Variants in CRADD observed in about 807,000 individuals in gnomAD.
CRADD encodes death domain-containing protein CRADD.
A neutral mutation model predicts 15.5 loss-of-function variants in CRADD; 9 were observed. The ratio of observed to expected loss-of-function variants is 0.58; its 90% CI spans 0.35 to 1.01. CRADD has a LOEUF of 1.01. Among genes scored for constraint, CRADD ranks in the 50% least tolerant of loss-of-function variants. The probability of loss-of-function intolerance (pLI) is 0.02; values close to 1 mark genes in which losing one functional copy is unlikely to be tolerated. For missense variants in CRADD, 227 were observed against 250.3 expected, an observed-to-expected ratio of 0.91 and a Z score of 0.63; for synonymous variants, 118 against 107.6, an observed-to-expected ratio of 1.10 and a Z score of -0.60.
At chr12:93,875,056 C>G (rs2137068938) in intron 2 of CRADD, among the ~76,000 whole-genome samples, 1 of 152,164 alleles carries the variant, frequency 6.6e-6, no homozygotes, top group Admixed American at 6.5e-5. Context: ...TGATCTATCT[C>G]TCCCTTCAGC....
chr12:93,762,413 A>G (rs1159053378), intron 2 of CRADD, among the ~76,000 whole-genome samples: 1 of 152,186 alleles, frequency 6.6e-6, no homozygotes, highest in African/African-American at 2.4e-5. Context: ...ATTAGATGTA[A>G]TTGGAAGCTA....
intron 2 of CRADD, among the ~76,000 whole-genome samples, chr12:93,823,039 A>G (rs769620254): frequency 9.2e-5 from 14 of 152,346 alleles, no homozygotes; most frequent in Admixed American, 1.3e-4. Flanking sequence ...TCATGCCTGT[A>G]ATCCCAGCAC....
At chr12:93,853,633 C>T (rs1958246935), downstream of CRADD, among the ~76,000 whole-genome samples, 1 of 152,204 alleles carries the variant, frequency 6.6e-6, no homozygotes, top group Admixed American at 6.5e-5. Context: ...CAAAGTTTAG[C>T]ACAGTCTGGG....
chr12:93,731,007 T>C (rs938107550), intron 2 of CRADD, among the ~76,000 whole-genome samples: 1 of 152,066 alleles, frequency 6.6e-6, no homozygotes. Flanking sequence ...TGTGAGCCAC[T>C]GCACCCGGCT....
At chr12:93,732,409 T>G (rs1274731642) in intron 2 of CRADD, among the ~76,000 whole-genome samples, 4 of 152,208 alleles carry the variant, frequency 2.6e-5, no homozygotes, top group African/African-American at 9.7e-5. Context: ...TTGAAAACAC[T>G]GGTTGCAGAT....
intron 2 of CRADD, among the ~76,000 whole-genome samples, chr12:93,755,570 A>C (rs565920463): frequency 2.2e-4 from 34 of 152,328 alleles, no homozygotes; most frequent in African/African-American, 7.9e-4. Context: ...CAAATAAGAC[A>C]GGCATTTCAG....
exon 3 of CRADD, chr12:93,894,384 A>G (rs932615921): frequency 1.0e-5 from 5 of 484,426 alleles, no homozygotes; most frequent in East Asian, 7.8e-5. Context: ...CAAAATGTCA[A>G]TGGTGCAGAG....
intron 2 of CRADD, chr12:93,816,047 C>G (rs1482995449): frequency 6.6e-6 from 1 of 152,040 alleles, no homozygotes; most frequent in African/African-American, 2.4e-5. Flanking sequence ...ATTGGAGCCA[C>G]ATATGTGGTT....
intron 2 of CRADD, among the ~76,000 whole-genome samples, chr12:93,751,053 G>A (rs976001385): frequency 1.3e-5 from 2 of 152,074 alleles, no homozygotes; most frequent in African/African-American, 4.8e-5. Flanking sequence ...ACTCTTTCTT[G>A]TATTGTGGAA....
At chr12:93,820,449 T>C (rs1455807639) in intron 2 of CRADD, among the ~76,000 whole-genome samples, 3 of 151,214 alleles carry the variant, frequency 2.0e-5, no homozygotes, top group Non-Finnish European at 4.4e-5. Context: ...CTTGGGAGGC[T>C]GAGGCAGGAG....
intron 2 of CRADD, among the ~76,000 whole-genome samples, chr12:93,751,642 A>T (rs1252595203): frequency 6.6e-6 from 1 of 152,190 alleles, no homozygotes; most frequent in Admixed American, 6.5e-5. Context: ...AGGCAGGCGG[A>T]TCACTTGAGG....
intron 2 of CRADD, among the ~76,000 whole-genome samples, chr12:93,806,462 AAAAAAAAAAAC>A (rs1957539480): frequency 1.3e-4 from 19 of 149,280 alleles, no homozygotes; most frequent in East Asian, 8.0e-4. Context: ...AAAAAAAAAA[AAAAAAAAAAAC>A]AAAAAAAAGA....
At position 93,850,106 on chromosome 12, in the gene CRADD, C is replaced by G. The variant is rs768103320; in HGVS notation, c.435C>G (p.Ile145Met). The G allele has an allele frequency of 1.9e-6, 3 of 1,613,986 alleles. No individual in the cohort carries two copies. The highest frequency in any genetic ancestry group is 1.7e-6 in the Non-Finnish European group (2 of 1,179,930). The change falls in exon 3 of 3, where the codon ATC (isoleucine) becomes ATG (methionine). Residue 145 changes from isoleucine (I) to methionine (M), a missense_variant. Ile to Met is a conservative substitution (Grantham distance 10). Transcript: ENST00000332896. This position sits in a 1 kb window ranked among gnomAD's most constrained non-coding sequence, Gnocchi z 4.0. ...VLSLGLSQTD[I>M]YRCKANHPHN... Reference sequence around the variant, plus strand: ...CTCTGGGACTGTCCCAGACGGATATCTACCGCTGTAAGGCCAACCACCCCC... The same window carrying G: ...CTCTGGGACTGTCCCAGACGGATATGTACCGCTGTAAGGCCAACCACCCCC...
intron 2 of CRADD, among the ~76,000 whole-genome samples, chr12:93,772,241 T>C (rs1277730625): frequency 6.6e-6 from 1 of 152,232 alleles, no homozygotes; most frequent in Non-Finnish European, 1.5e-5. Context: ...TGACAGTCTT[T>C]ATGAGCTCGT....
intron 2 of CRADD, among the ~76,000 whole-genome samples, chr12:93,806,347 G>A (rs1957537275): frequency 6.7e-6 from 1 of 150,356 alleles, no homozygotes; most frequent in African/African-American, 2.4e-5. Flanking sequence ...AGCTACTCAG[G>A]AGGCTGAGGC....
intron 2 of CRADD, among the ~76,000 whole-genome samples, chr12:93,807,707 C>T (rs143673295): frequency 6.6e-6 from 1 of 152,210 alleles, no homozygotes; most frequent in Non-Finnish European, 1.5e-5. Flanking sequence ...GGAATGGCAC[C>T]TCCAGCTTGG....
intron 2 of CRADD, among the ~76,000 whole-genome samples, chr12:93,681,126 C>T (rs1455266562): frequency 3.9e-5 from 6 of 152,150 alleles, no homozygotes; most frequent in East Asian, 1.9e-4. Flanking sequence ...TCAGGTGATC[C>T]GCCCACCTCG....
At chr12:93,752,898 G>T (rs1459662368) in intron 2 of CRADD, among the ~76,000 whole-genome samples, 2 of 152,186 alleles carry the variant, frequency 1.3e-5, no homozygotes, top group Non-Finnish European at 2.9e-5. Flanking sequence ...AAGGTGAAAG[G>T]CACATCTCAC....
intron 2 of CRADD, among the ~76,000 whole-genome samples, chr12:93,711,089 T>C (rs1211503477): frequency 7.0e-6 from 1 of 143,780 alleles, no homozygotes; most frequent in African/African-American, 2.6e-5. Context: ...TACTTGCCAT[T>C]CATATTGTGT....
Sources: allele counts gnomAD v4.1 joint callset (sites outside exome capture counted in the v4.1 genomes callset), GRCh38; gene constraint gnomAD v4.1.1; non-coding constraint Gnocchi (gnomAD v3.1); transcripts MANE v1.5; gene names NCBI Gene and HGNC (gene_info 2026-07-23, HGNC 2026-07-21).